Variants in UGGT2 observed in about 807,000 individuals in gnomAD.
The protein encoded by UGGT2 is UDP-glucose:glycoprotein glucosyltransferase 2.
UGGT2 carries 180 observed loss-of-function variants against 192.1 expected under a neutral mutation model. The observed-to-expected ratio is 0.94, with a 90% CI of 0.83 to 1.06. The LOEUF (loss-of-function observed/expected upper bound fraction) is 1.06, where lower values mean the gene tolerates loss of function less well. UGGT2 is among the 50% of genes least tolerant of loss of function. UGGT2 has a pLI of 0.00. For synonymous variants in UGGT2, 580 were observed against 591.0 expected, an observed-to-expected ratio of 0.98 and a Z score of 0.27; for missense variants, 1,849 against 1,795.7, an observed-to-expected ratio of 1.03 and a Z score of -0.54.
chr13:96,026,504 A>T (rs969685150), intron 2 of UGGT2, among the ~76,000 whole-genome samples: 1 of 151,944 alleles, frequency 6.6e-6, no homozygotes, highest in Non-Finnish European at 1.5e-5. Flanking sequence ...TCAACTGTAC[A>T]TTTCTACTCC....
In UGGT2 at chr13:95,877,362, C is replaced by T. The variant is rs779738910; in HGVS notation, c.3390G>A (p.Gly1130=). ...CTGGGTTTGCTTTTAATTGAAAATA[C>T]CCCTTTTAAGATGAGAAAAAAATAA... ...VVDTIVMAHH[G]YFQLKANPGA... The change falls in exon 29 of 39, where the codon GGG becomes GGA. Residue 1130 remains glycine, a splice_region_variant and synonymous_variant. Coordinates refer to ENST00000376747, the MANE Select transcript of UGGT2 (RefSeq NM_020121.4). 11 of 1,602,758 alleles carry T rather than the reference C, an allele frequency of 6.9e-6. No individual in the cohort carries two copies. Among genetic ancestry groups the T allele is most frequent in the African/African-American group, 5.4e-5 (4 of 74,348 alleles).
chr13:95,901,757 G>A (rs543558544), intron 21 of UGGT2, among the ~76,000 whole-genome samples: 2 of 152,226 alleles, frequency 1.3e-5, no homozygotes, highest in Non-Finnish European at 2.9e-5. Flanking sequence ...ATGGCCATAT[G>A]TAGCCAGTGG....
chr13:96,020,000 C>A (rs780633294), intron 4 of UGGT2, among the ~76,000 whole-genome samples: 6 of 152,184 alleles, frequency 3.9e-5, no homozygotes, highest in Non-Finnish European at 8.8e-5. Flanking sequence ...GAGCCAGTGA[C>A]CTTACTTCAG....
intron 15 of UGGT2, among the ~76,000 whole-genome samples, chr13:95,941,284 T>C (rs558415201): frequency 2.6e-5 from 4 of 152,350 alleles, no homozygotes; most frequent in Admixed American, 2.0e-4. Flanking sequence ...CTTCATATTG[T>C]GGCTAAAATG....
chr13:95,996,059 T>G lies in UGGT2; in HGVS notation c.830+4A>C, dbSNP rs1319355014. The G allele has an allele frequency of 6.2e-7, 1 of 1,612,008 alleles. No homozygotes were observed. Among genetic ancestry groups the G allele is most frequent in the Admixed American group, 1.7e-5 (1 of 59,948 alleles). ...ATACCAATTTCATTTCCATTCAGAC[T>G]TACTTTAGTTTCCCAAAGAGAAATC... On this transcript the variant is annotated splice_donor_region_variant and intron_variant, in intron 7 of 38. Coordinates refer to ENST00000376747, the MANE Select transcript of UGGT2 (RefSeq NM_020121.4).
At chr13:95,956,790 C>T (rs2050224052) in intron 12 of UGGT2, among the ~76,000 whole-genome samples, 1 of 152,178 alleles carries the variant, frequency 6.6e-6, no homozygotes, top group Admixed American at 6.5e-5. Flanking sequence ...AAGTTAGACA[C>T]AGAAATACCA....
intron 25 of UGGT2, 102 bp downstream of exon 25, chr13:95,890,760 T>C: frequency 3.6e-6 from 3 of 836,812 alleles, no homozygotes; most frequent in Non-Finnish European, 5.8e-6. Flanking sequence ...ATTAAAATGG[T>C]GAAGGATCAA....
At chr13:95,824,475 T>G (rs1885811202) in intron 38 of UGGT2, among the ~76,000 whole-genome samples, 1 of 152,162 alleles carries the variant, frequency 6.6e-6, no homozygotes, top group Non-Finnish European at 1.5e-5. Flanking sequence ...TCTTAAAGAC[T>G]TTCTTCATTT....
At chr13:95,859,537 A>C in intron 33 of UGGT2, 54 bp downstream of exon 33, 2 of 1,342,416 alleles carry the variant, frequency 1.5e-6, no homozygotes, top group Non-Finnish European at 2.1e-6. Flanking sequence ...ACAATGATAC[A>C]AATAATTTAC....
intron 12 of UGGT2, among the ~76,000 whole-genome samples, chr13:95,961,537 T>C (rs2050392344): frequency 6.6e-6 from 1 of 152,074 alleles, no homozygotes; most frequent in African/African-American, 2.4e-5. Context: ...GATAAATTCT[T>C]CAAGAAGTTA....
intron 10 of UGGT2, 50 bp from the exon 11 acceptor site, chr13:95,972,721 C>CTA (rs1378684056): frequency 1.3e-5 from 18 of 1,378,142 alleles, no homozygotes; most frequent in Non-Finnish European, 1.6e-5. Context: ...CAATAGTGAC[C>CTA]TATATTAGGG....
intron 20 of UGGT2, among the ~76,000 whole-genome samples, chr13:95,903,843 T>A (rs1200302903): frequency 6.6e-6 from 1 of 152,190 alleles, no homozygotes; most frequent in East Asian, 1.9e-4. Context: ...AACAAACAGT[T>A]CCATTACCTC....
chr13:95,880,824 T>C (rs2047470708), intron 27 of UGGT2, among the ~76,000 whole-genome samples: 1 of 152,096 alleles, frequency 6.6e-6, no homozygotes, highest in Non-Finnish European at 1.5e-5. Flanking sequence ...GGTTAATCTC[T>C]ACTGTGCTTA....
chr13:95,947,231 T>C, intron 14 of UGGT2, 59 bp from the exon 15 acceptor site: 1 of 1,448,816 alleles, frequency 6.9e-7, no homozygotes, highest in Non-Finnish European at 9.3e-7. Context: ...CAATAAACCA[T>C]TATTTAGAAA....
At position 96,023,216 on chromosome 13, in the gene UGGT2, TCA is replaced by T; in HGVS notation, c.373-66_373-65del. 3.0e-6 allele frequency: 4 copies of T among 1,352,588 alleles called. No individual in the cohort carries two copies. In the South Asian group the frequency reaches 6.8e-5, roughly 23 times the overall value. The allele number at this position is 1,352,588 out of a possible 1,614,324, so 83.8% of individuals were successfully genotyped here. A position where few individuals can be genotyped will look rare whatever the true frequency, so the allele number is the denominator to read the frequency against. ...TAATTACAATATGATTTTAAAACCC[TCA>T]CACATTACTTTGATTAAAATAACTC... On this transcript the variant is annotated intron_variant, in intron 3 of 38. Transcript: ENST00000376747.
intron 19 of UGGT2, 92 bp downstream of exon 19, chr13:95,926,936 G>T: frequency 8.3e-7 from 1 of 1,205,208 alleles, no homozygotes; most frequent in Non-Finnish European, 1.1e-6. Flanking sequence ...CTCAAAAATA[G>T]CAACATATTA....
At position 95,969,427 on chromosome 13, in the gene UGGT2, C is replaced by T. The variant is rs190728632; in HGVS notation, c.1335+685G>A. On this transcript the variant is annotated intron_variant, in intron 12 of 38. Coordinates refer to ENST00000376747, the MANE Select transcript of UGGT2 (RefSeq NM_020121.4). The stretch of plus-strand genomic sequence containing the variant: ...GGTTGGTCTCTGGGGATTCTCTTAA[C>T]ACAACATGTAGATTTAAAAAACCAT... 1.0e-3 allele frequency among the ~76,000 whole-genome samples: 159 copies of T among 152,196 alleles called. 1 individual carries two copies. Among genetic ancestry groups the T allele is most frequent in the Admixed American group, 4.1e-3 (62 of 15,288 alleles).
chr13:95,837,193 TG>T lies in UGGT2; in HGVS notation c.4293del (p.Asn1432IlefsTer3). The T allele has an allele frequency of 1.2e-6, 2 of 1,611,340 alleles. No homozygotes were observed. Among genetic ancestry groups the T allele is most frequent in the African/African-American group, 2.7e-5 (2 of 74,892 alleles). On this transcript the variant is annotated frameshift_variant, in exon 37 of 39. Coordinates refer to ENST00000376747, the MANE Select transcript of UGGT2 (RefSeq NM_020121.4). LOFTEE classifies it high-confidence loss of function. ...ATGGCGACTTGGTAAATCATATTAT[TG>T]GGGAGATCCTACAGAAAATTGTGAT... ...NSLSNLDQDL[P>X]NNMIYQVAIK...
intron 4 of UGGT2, among the ~76,000 whole-genome samples, chr13:96,019,771 T>G (rs1179339463): frequency 6.6e-6 from 1 of 152,204 alleles, no homozygotes; most frequent in African/African-American, 2.4e-5. Context: ...TGTATTATAT[T>G]TAACCAAGGG....
Sources: gnomAD v4.1 joint callset for allele counts (sites outside exome capture counted in the v4.1 genomes callset) on GRCh38, gnomAD v4.1.1 for gene constraint, MANE v1.5 for transcripts, NCBI Gene and HGNC (gene_info 2026-07-23, HGNC 2026-07-21) for gene names.